Variants in BRD4 observed in about 807,000 individuals in gnomAD.
BRD4 encodes the protein bromodomain containing 4.
Under a neutral mutation model 142.1 loss-of-function variants are expected in BRD4, and 16 were observed. The observed-to-expected ratio is 0.11, with a 90% CI of 0.08 to 0.17. BRD4 has a LOEUF of 0.17. Among genes scored for constraint, BRD4 ranks in the 10% least tolerant of loss-of-function variants. The probability of loss-of-function intolerance (pLI) is 1.00; values close to 1 mark genes in which losing one functional copy is unlikely to be tolerated. For synonymous variants in BRD4, 833 were observed against 707.5 expected, an observed-to-expected ratio of 1.18 and a Z score of -2.82; for missense variants, 1,424 against 1,810.9, an observed-to-expected ratio of 0.79 and a Z score of 3.88.
chr19:15,244,484 C>T lies in BRD4; in HGVS notation c.2328G>A (p.Pro776=), dbSNP rs757189208. 4.1e-5 allele frequency: 40 copies of T among 985,136 alleles called. No individual in the cohort carries two copies. In the East Asian group the frequency reaches 1.4e-3, roughly 35 times the overall value. The allele number at this position is 985,136 out of a possible 1,614,324, so 61.0% of individuals were successfully genotyped here. ...PPPPPQQQQQ[P]PPPPPPPSMP... is the part of the protein sequence containing the mutation. ...TGGAGGGTGGGGGAGGCGGGGGTGG[C>T]GGCTGCTGTTGCTGCTGCGGAGGTG... Residue 776 remains proline (P), a synonymous_variant, in exon 13 of 20, where the codon CCG becomes CCA. Transcript: ENST00000679869.
chr19:15,237,308 A>G lies in BRD4; in HGVS notation c.*1069T>C, dbSNP rs1304635146. ...TAGCTTTCTGGTTTTATAATTAAAA[A>G]TAGACTAATAAAGTTTGAAACTGAG... On this transcript the variant is annotated 3_prime_UTR_variant, in exon 20 of 20. Transcript: ENST00000679869. 2 of 218,250 alleles carry G rather than the reference A, an allele frequency of 9.2e-6. No individual in the cohort carries two copies. Among genetic ancestry groups the G allele is most frequent in the East Asian group, 1.3e-4 (2 of 14,998 alleles). 13.5% of individuals were successfully genotyped at this position (218,250 alleles called of 1,614,324 possible). A position where few individuals can be genotyped will look rare whatever the true frequency, so the allele number is the denominator to read the frequency against.
chr19:15,299,985 C>T (rs564123079), intron 1 of BRD4, among the ~76,000 whole-genome samples: 1 of 152,332 alleles, frequency 6.6e-6, no homozygotes, highest in South Asian at 2.1e-4. Flanking sequence ...TGATTCATGC[C>T]TGCAATCCCA....
At position 15,238,245 on chromosome 19, in the gene BRD4, G is replaced by A. The variant is rs138078796; in HGVS notation, c.*132C>T. On this transcript the variant is annotated 3_prime_UTR_variant, in exon 20 of 20. Transcript: ENST00000679869. The surrounding 1 kb of genome is among the most constrained non-coding windows in gnomAD (Gnocchi z 7.2). ...CTCAGCTGCCCGTCAGGCCTGCCCC[G>A]GGCATAGCATGCAGGAGGGCCAGGC... is the stretch of plus-strand genomic sequence containing the variant. The A allele has an allele frequency of 3.3e-4, 479 of 1,451,764 alleles. 1 individual carries two copies. In the African/African-American group the frequency reaches 4.8e-3, roughly 14 times the overall value. 89.9% of individuals were successfully genotyped at this position (1,451,764 alleles called of 1,614,324 possible).
chr19:15,271,564 C>T (rs958894636), intron 2 of BRD4, among the ~76,000 whole-genome samples: 3 of 152,188 alleles, frequency 2.0e-5, no homozygotes, highest in African/African-American at 7.2e-5. Flanking sequence ...TTCCTTCTCT[C>T]CTGGTTCTGT....
chr19:15,253,461 C>T, intron 11 of BRD4: 1 of 1,257,732 alleles, frequency 8.0e-7, no homozygotes, highest in Non-Finnish European at 1.1e-6. Flanking sequence ...ACCCAGGGTC[C>T]AACGTGCAGA....
In BRD4 at chr19:15,310,358, TCCCCCCCCCCCC is replaced by T. The variant is rs869177682; in HGVS notation, c.-35+21920_-35+21931del. ...CACCATGTCCGGCTGATTTTTGGAT[TCCCCCCCCCCCC>T]CCCCCCCCCCGAAGGAGTCTCACTC... On this transcript the variant is annotated intron_variant, in intron 1 of 19. Coordinates refer to ENST00000679869, the MANE Select transcript of BRD4 (RefSeq NM_001379291.1). 2.6e-3 allele frequency among the ~76,000 whole-genome samples: 66 copies of T among 25,680 alleles called. 10 individuals are homozygous for T. The highest frequency in any genetic ancestry group is 7.3e-3 in the Admixed American group (15 of 2,054). 16.8% of individuals were successfully genotyped at this position (25,680 alleles called of 152,430 possible).
intron 1 of BRD4, among the ~76,000 whole-genome samples, chr19:15,325,689 C>A (rs1346600739): frequency 6.6e-6 from 1 of 152,032 alleles, no homozygotes; most frequent in African/African-American, 2.4e-5. Flanking sequence ...ATATACACCT[C>A]CCAATTCAAA....
In BRD4 at chr19:15,244,728, G is replaced by C. The variant is rs201923211; in HGVS notation, c.2193C>G (p.Pro731=). 1 of 1,614,098 alleles carries C rather than the reference G, an allele frequency of 6.2e-7. No homozygotes were observed. Among genetic ancestry groups the C allele is most frequent in the Middle Eastern group, 1.6e-4 (1 of 6,062 alleles). ...MAPKSKKKGH[P]GREQKKHHHH... is the part of the protein sequence containing the mutation. ...CATGTACCTTCTTCTGCTCCCTCCC[G>C]GGGTGCCCCTTCTTTTTTGACTTCG... is the stretch of plus-strand genomic sequence containing the variant. Residue 731 remains proline (P), a synonymous_variant, in exon 12 of 20, where the codon CCC becomes CCG. Coordinates refer to ENST00000679869, the MANE Select transcript of BRD4 (RefSeq NM_001379291.1).
chr19:15,257,305 C>T, intron 7 of BRD4, 132 bp from the exon 8 acceptor site: 1 of 871,420 alleles, frequency 1.1e-6, no homozygotes, highest in East Asian at 2.7e-5. Context: ...GTGATCCTGT[C>T]TCTTTGCTGC....
At chr19:15,293,059 T>A (rs2047796763) in intron 1 of BRD4, among the ~76,000 whole-genome samples, 1 of 152,012 alleles carries the variant, frequency 6.6e-6, no homozygotes, top group Non-Finnish European at 1.5e-5. Context: ...CTACTGTCGA[T>A]GCTAAAAGTT....
chr19:15,247,128 G>A (rs1433496737), intron 11 of BRD4: 1 of 219,596 alleles, frequency 4.6e-6, no homozygotes, highest in Non-Finnish European at 9.2e-6. Flanking sequence ...GATGGTAATT[G>A]TACAAAGAAA....
chr19:15,279,357 A>T (rs1476305477), intron 1 of BRD4, among the ~76,000 whole-genome samples: 1 of 152,226 alleles, frequency 6.6e-6, no homozygotes, highest in African/African-American at 2.4e-5. Context: ...AAAACAAAAA[A>T]TCCAAAACCA....
intron 1 of BRD4, among the ~76,000 whole-genome samples, chr19:15,325,616 T>C (rs544333074): frequency 1.3e-3 from 192 of 152,272 alleles, no homozygotes; most frequent in Middle Eastern, 0.01. Context: ...TGTCAAGCTC[T>C]GATTGGAGAA....
intron 11 of BRD4, chr19:15,253,480 G>T: frequency 7.1e-7 from 1 of 1,405,708 alleles, no homozygotes; most frequent in Non-Finnish European, 9.7e-7. Flanking sequence ...GACCCACGGG[G>T]CTTGAAAAGA....
At chr19:15,282,256 A>C (rs1429471741) in intron 1 of BRD4, among the ~76,000 whole-genome samples, 3 of 152,252 alleles carry the variant, frequency 2.0e-5, no homozygotes, top group African/African-American at 7.2e-5. Flanking sequence ...CCTGCAGGCC[A>C]TAGTTTGCAG....
chr19:15,328,202 C>T (rs1195817635), intron 1 of BRD4, among the ~76,000 whole-genome samples: 1 of 151,996 alleles, frequency 6.6e-6, no homozygotes, highest in Admixed American at 6.6e-5. Flanking sequence ...ATAGTAAGGG[C>T]TCAAGGACTA....
chr19:15,309,279 G>A (rs1403531848), intron 1 of BRD4, among the ~76,000 whole-genome samples: 1 of 141,258 alleles, frequency 7.1e-6, no homozygotes, highest in Non-Finnish European at 1.5e-5. Context: ...CTTGCAGTGA[G>A]CAGAGCAGAG....
At chr19:15,289,421 C>G (rs1568399571) in intron 1 of BRD4, among the ~76,000 whole-genome samples, 2 of 152,088 alleles carry the variant, frequency 1.3e-5, no homozygotes, top group African/African-American at 4.8e-5. Context: ...CATGGTGGCA[C>G]ATGTCTGTAA....
At chr19:15,279,922 G>C (rs749222038) in intron 1 of BRD4, among the ~76,000 whole-genome samples, 15 of 152,196 alleles carry the variant, frequency 9.9e-5, no homozygotes, top group Non-Finnish European at 1.8e-4. Flanking sequence ...CACACAGGTA[G>C]AAAGACGCCA....
Sources: gnomAD v4.1 joint callset for allele counts (sites outside exome capture counted in the v4.1 genomes callset) on GRCh38, gnomAD v4.1.1 for gene constraint, Gnocchi (gnomAD v3.1) non-coding constraint, MANE v1.5 for transcripts, NCBI Gene and HGNC (gene_info 2026-07-23, HGNC 2026-07-21) for gene names.